The following FGF14 variants were observed in gnomAD, a reference collection of about 807,000 sequenced individuals.
FGF14 encodes fibroblast growth factor 14, also known as fibroblast growth factor homologous factor 4.
A neutral mutation model predicts 25.5 loss-of-function variants in FGF14; 5 were observed. The ratio of observed to expected loss-of-function variants is 0.20; its 90% CI spans 0.10 to 0.41. The LOEUF is 0.41. Ranked by LOEUF, FGF14 falls within the 10% of genes least tolerant of loss-of-function variation. FGF14 has a pLI of 1.00. For synonymous variants in FGF14, 138 were observed against 118.3 expected, an observed-to-expected ratio of 1.17 and a Z score of -1.08; for missense variants, 222 against 320.1, an observed-to-expected ratio of 0.69 and a Z score of 2.34.
intron 3 of FGF14, among the ~76,000 whole-genome samples, chr13:101,761,743 A>G: frequency 6.6e-6 from 1 of 152,334 alleles, no homozygotes; most frequent in South Asian, 2.1e-4. Flanking sequence ...ATGAATATAT[A>G]CAATTATGAT....
At chr13:101,999,237 A>G (rs1246950721) in intron 1 of FGF14, among the ~76,000 whole-genome samples, 1 of 152,242 alleles carries the variant, frequency 6.6e-6, no homozygotes, top group Non-Finnish European at 1.5e-5. Flanking sequence ...AGTGATAAGA[A>G]ACACTGAAAG....
At chr13:101,984,712 C>T (rs1356093636) in intron 1 of FGF14, among the ~76,000 whole-genome samples, 2 of 152,082 alleles carry the variant, frequency 1.3e-5, no homozygotes, top group East Asian at 3.9e-4. Context: ...GTAGGATCTG[C>T]ATTCCCCAAA....
intron 1 of FGF14, among the ~76,000 whole-genome samples, chr13:102,181,514 C>T (rs1041833678): frequency 1.3e-5 from 2 of 152,000 alleles, no homozygotes; most frequent in Admixed American, 6.6e-5. Flanking sequence ...TAACTGATGC[C>T]TTATAAGAAG....
At chr13:102,325,876 A>C (rs1222422801) in intron 1 of FGF14, among the ~76,000 whole-genome samples, 1 of 152,194 alleles carries the variant, frequency 6.6e-6, no homozygotes, top group Non-Finnish European at 1.5e-5. Flanking sequence ...GGTGAATATA[A>C]ACTGTGACTA....
At chr13:102,258,614 G>A (rs2052564223) in intron 1 of FGF14, among the ~76,000 whole-genome samples, 1 of 152,116 alleles carries the variant, frequency 6.6e-6, no homozygotes, top group Non-Finnish European at 1.5e-5. Context: ...GGCAGCAGAT[G>A]GCAGCAGATG....
chr13:102,041,683 G>C (rs1381346114), intron 1 of FGF14, among the ~76,000 whole-genome samples: 2 of 152,020 alleles, frequency 1.3e-5, no homozygotes. Context: ...GACTTCTTCT[G>C]TGTGCAGAAC....
intron 1 of FGF14, among the ~76,000 whole-genome samples, chr13:102,153,412 T>C (rs1275730663): frequency 1.3e-5 from 2 of 152,198 alleles, no homozygotes; most frequent in African/African-American, 2.4e-5. Flanking sequence ...TCAGCAAATC[T>C]GGTATTTGCT....
At chr13:102,223,973 G>T (rs184950373) in intron 1 of FGF14, among the ~76,000 whole-genome samples, 66 of 152,222 alleles carry the variant, frequency 4.3e-4, no homozygotes, top group Non-Finnish European at 7.6e-4. Context: ...TTGAGTTACA[G>T]ATTAATCAGG....
At chr13:102,161,611 AAGAAGAAGAAGAAGAAGAAG>A (rs2047688254) in intron 1 of FGF14, among the ~76,000 whole-genome samples, 1 of 4,430 alleles carries the variant, frequency 2.3e-4, no homozygotes, top group Non-Finnish European at 3.4e-4. Flanking sequence ...GAAGAAGAAG[AAGAAGAAGAAGAAGAAGAAG>A]AAGAAGAAGA....
chr13:102,108,564 G>T (rs1046543578), intron 1 of FGF14, among the ~76,000 whole-genome samples: 5 of 152,166 alleles, frequency 3.3e-5, no homozygotes, highest in Non-Finnish European at 5.9e-5. Context: ...CAGGTTTTAT[G>T]TCTTAATCTC....
At chr13:102,396,698 C>T (rs1041859631) in intron 1 of FGF14, among the ~76,000 whole-genome samples, 1 of 152,184 alleles carries the variant, frequency 6.6e-6, no homozygotes, top group East Asian at 1.9e-4. Flanking sequence ...AAGATGAGAA[C>T]AAGTTGTACA....
In FGF14 at chr13:102,125,735, T is replaced by A. The variant is rs117396867; in HGVS notation, c.209-250439A>T. Among the ~76,000 whole-genome samples, 1,066 of 152,290 alleles carry A rather than the reference T, an allele frequency of 7.0e-3. 8 individuals carry two copies. Among genetic ancestry groups the A allele is most frequent in the Admixed American group, 0.011 (163 of 15,292 alleles). On this transcript the variant is annotated intron_variant, in intron 1 of 4. Coordinates refer to the FGF14 transcript ENST00000376131. Reference sequence around the variant, plus strand: ...ATTTTCTAGTATAGCATTCAATTGATTTGAACTGTTTCTTTTTAAAATATA... The same window carrying A: ...ATTTTCTAGTATAGCATTCAATTGAATTGAACTGTTTCTTTTTAAAATATA...
At chr13:102,053,796 GA>G (rs752342520) in intron 1 of FGF14, among the ~76,000 whole-genome samples, 7 of 152,056 alleles carry the variant, frequency 4.6e-5, no homozygotes, top group Non-Finnish European at 8.8e-5. Context: ...ATTTTGGAAT[GA>G]TTATATCATT....
chr13:102,393,348 T>C (rs1566983991), intron 1 of FGF14, among the ~76,000 whole-genome samples: 1 of 152,216 alleles, frequency 6.6e-6, no homozygotes, highest in Non-Finnish European at 1.5e-5. Flanking sequence ...ACTTTTTAAG[T>C]GTTTACTAAG....
At chr13:101,908,502 T>C (rs2032521807) in intron 1 of FGF14, among the ~76,000 whole-genome samples, 1 of 152,304 alleles carries the variant, frequency 6.6e-6, no homozygotes, top group South Asian at 2.1e-4. Context: ...CAGAGTGTCA[T>C]GCAGGTAGTT....
chr13:102,161,664 GAA>G (rs2047745941), intron 1 of FGF14, among the ~76,000 whole-genome samples: 2 of 32,488 alleles, frequency 6.2e-5, no homozygotes, highest in Non-Finnish European at 1.3e-4. Context: ...AGAAGAAGAA[GAA>G]GAAGAAGAAG....
chr13:101,768,848 C>A (rs1159924127), intron 3 of FGF14, among the ~76,000 whole-genome samples: 1 of 152,110 alleles, frequency 6.6e-6, no homozygotes, highest in Non-Finnish European at 1.5e-5. Context: ...ATGTAAAATG[C>A]AAAATTATAA....
chr13:102,137,873 G>T (rs1371599695), intron 1 of FGF14, among the ~76,000 whole-genome samples: 1 of 151,080 alleles, frequency 6.6e-6, no homozygotes, highest in African/African-American at 2.4e-5. Flanking sequence ...TGAGCCTTGA[G>T]ATAAAACATG....
chr13:102,192,370 G>C (rs576308020), intron 1 of FGF14, among the ~76,000 whole-genome samples: 1 of 152,274 alleles, frequency 6.6e-6, no homozygotes, highest in South Asian at 2.1e-4. Flanking sequence ...TGAGATGGCT[G>C]ATTCAGTCCA....
Sources: allele counts gnomAD v4.1 joint callset (sites outside exome capture counted in the v4.1 genomes callset), GRCh38; gene constraint gnomAD v4.1.1; transcripts MANE v1.5; gene names NCBI Gene and HGNC (gene_info 2026-07-23, HGNC 2026-07-21).